Variants in UNC119B observed in about 807,000 individuals in gnomAD.
UNC119B encodes unc-119 lipid binding chaperone B.
Under a neutral mutation model 23.4 loss-of-function variants are expected in UNC119B, and 16 were observed. That is an observed-to-expected ratio of 0.68 (90% confidence interval 0.46 to 1.04). The LOEUF is 1.04. Among genes scored for constraint, UNC119B ranks in the 50% least tolerant of loss-of-function variants. The pLI is 0.00. For synonymous variants in UNC119B, 144 were observed against 145.4 expected, an observed-to-expected ratio of 0.99 and a Z score of 0.07; for missense variants, 350 against 361.3, an observed-to-expected ratio of 0.97 and a Z score of 0.25.
At chr12:120,717,620 T>G (rs1882809257) in intron 4 of UNC119B, among the ~76,000 whole-genome samples, 1 of 151,254 alleles carries the variant, frequency 6.6e-6, no homozygotes, top group Non-Finnish European at 1.5e-5. Flanking sequence ...TGGAGTGCAG[T>G]GGCGCAGTCT....
intron 2 of UNC119B, among the ~76,000 whole-genome samples, chr12:120,714,551 C>T (rs1297678640): frequency 3.9e-5 from 6 of 152,124 alleles, no homozygotes; most frequent in Non-Finnish European, 7.3e-5. Context: ...AGACGCCTGA[C>T]CTTTGATTCG....
In UNC119B at chr12:120,719,907, G is replaced by T. The variant is rs1309153214; in HGVS notation, c.644-13G>T. 1 of 1,598,728 alleles carries T rather than the reference G, an allele frequency of 6.3e-7. No individual in the cohort carries two copies. Among genetic ancestry groups the T allele is most frequent in the Non-Finnish European group, 8.6e-7 (1 of 1,166,246 alleles). ...TTCTTTGCTTTTTTCTTCCCCCTTT[G>T]CCTGACTTGCAGTTCGTCTAATGAT... On this transcript the variant is annotated splice_polypyrimidine_tract_variant and intron_variant, in intron 4 of 4. Transcript: ENST00000344651.
chr12:120,719,838 C>A, intron 4 of UNC119B, 82 bp from the exon 5 acceptor site: 1 of 956,398 alleles, frequency 1.0e-6, no homozygotes, highest in Non-Finnish European at 1.7e-6. Context: ...GGAGGGGATG[C>A]AAAGTTTTCT....
In UNC119B at chr12:120,720,080, C is replaced by G. The variant is rs376819686; in HGVS notation, c.*48C>G. The G allele has an allele frequency of 1.2e-5, 16 of 1,383,360 alleles. No individual in the cohort carries two copies. Among genetic ancestry groups the G allele is most frequent in the African/African-American group, 2.9e-5 (2 of 70,074 alleles). 85.7% of individuals were successfully genotyped at this position (1,383,360 alleles called of 1,614,324 possible). ...AGGTGCTTTGCCGCGGCCACAAGAT[C>G]CTGGCACACGGAGATGATCGAAGCT... On this transcript the variant is annotated 3_prime_UTR_variant, in exon 5 of 5. Coordinates refer to ENST00000344651, the MANE Select transcript of UNC119B (RefSeq NM_001080533.3).
intron 1 of UNC119B, chr12:120,711,065 A>C: frequency 3.2e-4 from 56 of 172,694 alleles, no homozygotes; most frequent in East Asian, 7.6e-4. Flanking sequence ...CCCCTAATAA[A>C]TGGGCCCCTG....
chr12:120,710,565 GGCGGCGGCGTCCTGAACCGCCTGAAGGC>G lies in UNC119B; in HGVS notation c.100_127del (p.Val34ArgfsTer130). 7.2e-7 allele frequency: 1 copy of G among 1,396,410 alleles called. No individual in the cohort carries two copies. The highest frequency in any genetic ancestry group is 9.2e-7 in the Non-Finnish European group (1 of 1,083,004). 86.5% of individuals were successfully genotyped at this position (1,396,410 alleles called of 1,614,324 possible). On this transcript the variant is annotated frameshift_variant, in exon 1 of 5. Transcript: ENST00000344651. LOFTEE classifies it high-confidence loss of function. ...TGGCAAGGAGGAGAAGAAGAAGGCG[GGCGGCGGCGTCCTGAACCGCCTGAAGGC>G]GCGGCGGCAGGCGCCCCACCACGCG...
chr12:120,712,439 A>G (rs1218159631), intron 1 of UNC119B, among the ~76,000 whole-genome samples: 1 of 152,250 alleles, frequency 6.6e-6, no homozygotes, highest in Non-Finnish European at 1.5e-5. Context: ...GAATCATCCT[A>G]GAAAGAAATC....
intron 1 of UNC119B, 109 bp downstream of exon 1, chr12:120,710,827 G>A: frequency 9.2e-7 from 1 of 1,091,082 alleles, no homozygotes; most frequent in Non-Finnish European, 1.2e-6. Context: ...AGACCCCCTC[G>A]GCCGGCCGGG....
intron 1 of UNC119B, among the ~76,000 whole-genome samples, chr12:120,712,709 A>G (rs1391535762): frequency 2.6e-5 from 4 of 152,268 alleles, no homozygotes; most frequent in African/African-American, 2.4e-5. Context: ...TTACTGGAAT[A>G]TAGCCACATT....
chr12:120,721,669 G>C lies in UNC119B; in HGVS notation c.*1637G>C, dbSNP rs1293957013. On this transcript the variant is annotated 3_prime_UTR_variant, in exon 5 of 5. Transcript: ENST00000344651. ...TGCTGGCAGCTTTCTCACTGAGAAG[G>C]TCCTAGCTTACCCCTGTGTGCTGGC... The C allele has an allele frequency of 6.5e-6, 1 of 152,796 alleles. No individual in the cohort carries two copies. The highest frequency in any genetic ancestry group is 1.9e-4 in the East Asian group (1 of 5,204). The allele number at this position is 152,796 out of a possible 1,614,324, so 9.5% of individuals were successfully genotyped here.
chr12:120,716,630 CAGGAGGAGGATG>C lies in UNC119B; in HGVS notation c.371_382del (p.Asp124_Glu127del). 1.2e-6 allele frequency: 2 copies of C among 1,614,056 alleles called. No homozygotes were observed. The highest frequency in any genetic ancestry group is 1.7e-6 in the Non-Finnish European group (2 of 1,179,986). On this transcript the variant is annotated inframe_deletion, in exon 3 of 5. Coordinates refer to ENST00000344651, the MANE Select transcript of UNC119B (RefSeq NM_001080533.3). ...GAAGATTCTGTGTGCTCTTTCAGACCAGGAGGAGGATGAGGAGGAGGGAGGTGGAGACGTGGA... is the reference window on the plus strand; with the variant it reads ...GAAGATTCTGTGTGCTCTTTCAGACCAGGAGGAGGGAGGTGGAGACGTGGA...
rs551455538 is a variant in UNC119B, at chr12:120,717,688, G to A, written c.643+646G>A. ...AGTGATTCTCCTGCCTCAGCCTCTC[G>A]AGTAGCTGGGATTATAGGCACCTGC... On this transcript the variant is annotated intron_variant, in intron 4 of 4. Coordinates refer to ENST00000344651, the MANE Select transcript of UNC119B (RefSeq NM_001080533.3). 1.7e-3 allele frequency among the ~76,000 whole-genome samples: 255 copies of A among 150,364 alleles called. 2 individuals carry two copies. Among genetic ancestry groups the A allele is most frequent in the African/African-American group, 5.5e-3 (223 of 40,786 alleles).
rs1216029940 is a variant in UNC119B at position 120,720,031 on chromosome 12, A to G, written c.755A>G (p.Ter252=). ...GATTATGCCTATAATGGAGGCCAGT[A>G]AGTGCTGCAAGAGTAGATAGGGGAG... The part of the protein sequence containing the change: ...KADYAYNGGQ[*] Residue 252 remains the stop codon, a stop_retained_variant, in exon 5 of 5, where the codon TAA becomes TGA. Transcript: ENST00000344651. The G allele has an allele frequency of 6.8e-6, 11 of 1,609,612 alleles. No individual in the cohort carries two copies. Among genetic ancestry groups the G allele is most frequent in the Non-Finnish European group, 9.4e-6 (11 of 1,176,054 alleles).
At chr12:120,715,521 CTTTTTTTTTTTTTTTT>C (rs55906857) in intron 2 of UNC119B, among the ~76,000 whole-genome samples, 6 of 71,484 alleles carry the variant, frequency 8.4e-5, no homozygotes, top group East Asian at 5.7e-4. Context: ...TTCTCTGATT[CTTTTTTTTTTTTTTTT>C]TTTTTTTTTT....
rs1192579235 is a variant in UNC119B, at chr12:120,722,287, A to C, written c.*2255A>C. ...TGCGGATAGTGCTTGGTCCATGCCCAGCAGGACAGGGCTTTGCTGCTTCTG... is the reference window on the plus strand; with the variant it reads ...TGCGGATAGTGCTTGGTCCATGCCCCGCAGGACAGGGCTTTGCTGCTTCTG... On this transcript the variant is annotated 3_prime_UTR_variant, in exon 5 of 5. Coordinates refer to ENST00000344651, the MANE Select transcript of UNC119B (RefSeq NM_001080533.3). 3.9e-5 allele frequency: 6 copies of C among 152,360 alleles called. No homozygotes were observed. Among genetic ancestry groups the C allele is most frequent in the African/African-American group, 1.4e-4 (6 of 41,464 alleles). The allele number at this position is 152,360 out of a possible 1,614,324, so 9.4% of individuals were successfully genotyped here.
chr12:120,720,398 C>T lies in UNC119B; in HGVS notation c.*366C>T, dbSNP rs773002223. On this transcript the variant is annotated 3_prime_UTR_variant, in exon 5 of 5. Coordinates refer to ENST00000344651, the MANE Select transcript of UNC119B (RefSeq NM_001080533.3). ...GGTGAGAAGGCTCTGGCCAGGCCCA[C>T]CAGCAGGTCAGCAGCTCTTAAGGTT... 28 of 185,042 alleles carry T rather than the reference C, an allele frequency of 1.5e-4. No individual in the cohort carries two copies. The highest frequency in any genetic ancestry group is 2.6e-4 in the Non-Finnish European group (23 of 89,520). The allele number at this position is 185,042 out of a possible 1,614,324, so 11.5% of individuals were successfully genotyped here. A position where few individuals can be genotyped will look rare whatever the true frequency, so the allele number is the denominator to read the frequency against.
Position 120,713,294 on chromosome 12 carries a change from G to T in UNC119B, c.265G>T (p.Asp89Tyr). 2 of 1,612,122 alleles carry T rather than the reference G, an allele frequency of 1.2e-6. No individual in the cohort carries two copies. Among genetic ancestry groups the T allele is most frequent in the Non-Finnish European group, 1.7e-6 (2 of 1,178,472 alleles). The change falls in exon 2 of 5, where the codon GAC becomes TAC. Residue 89 changes from aspartate (D) to tyrosine (Y), a missense_variant. Coordinates refer to ENST00000344651, the MANE Select transcript of UNC119B (RefSeq NM_001080533.3). ...TTCAGATTATTTATGTAAACCCGAA[G>T]ACAACATCTACAGTATTGATTTCAC... ...VTENYLCKPE[D>Y]NIYSIDFTRF...
In UNC119B at chr12:120,720,134, G is replaced by T; in HGVS notation, c.*102G>T. Reference sequence around the variant, plus strand: ...GTTTGTCAACACACATCTGGAACCTGGCCCCAGGAAGCCAAGGCTGGGGTG... The same window carrying T: ...GTTTGTCAACACACATCTGGAACCTTGCCCCAGGAAGCCAAGGCTGGGGTG... On this transcript the variant is annotated 3_prime_UTR_variant, in exon 5 of 5. Coordinates refer to ENST00000344651, the MANE Select transcript of UNC119B (RefSeq NM_001080533.3). 2 of 896,280 alleles carry T rather than the reference G, an allele frequency of 2.2e-6. No individual in the cohort carries two copies. The highest frequency in any genetic ancestry group is 3.5e-6 in the Non-Finnish European group (2 of 578,194). 55.5% of individuals were successfully genotyped at this position (896,280 alleles called of 1,614,324 possible).
chr12:120,710,929 TC>T, intron 1 of UNC119B: 1 of 393,438 alleles, frequency 2.5e-6, no homozygotes, highest in Non-Finnish European at 4.1e-6. Flanking sequence ...TGGACCGCAT[TC>T]CTGTGAGTCC....
Sources: allele counts gnomAD v4.1 joint callset (sites outside exome capture counted in the v4.1 genomes callset), GRCh38; gene constraint gnomAD v4.1.1; transcripts MANE v1.5; gene names NCBI Gene and HGNC (gene_info 2026-07-23, HGNC 2026-07-21).